The following HTR1F variants were observed in gnomAD, a reference collection of about 807,000 sequenced individuals.
The protein encoded by HTR1F is 5-hydroxytryptamine receptor 1F, also known as 5-hydroxytryptamine (serotonin) receptor 1F, G protein-coupled.
A neutral mutation model predicts 24.0 loss-of-function variants in HTR1F; 17 were observed. The observed-to-expected ratio is 0.71, with a 90% confidence interval of 0.48 to 1.06. The LOEUF is 1.06. Ranked by LOEUF, HTR1F falls within the 50% of genes least tolerant of loss-of-function variation. The probability of loss-of-function intolerance (pLI) is 0.00; values close to 1 mark genes in which losing one functional copy is unlikely to be tolerated. For synonymous variants in HTR1F, 186 were observed against 156.8 expected (o/e 1.19, Z -1.39); for missense variants, 391 against 427.8 (o/e 0.91, Z 0.76).
intron 2 of HTR1F, among the ~76,000 whole-genome samples, chr3:87,915,249 G>GC (rs1204166808): frequency 6.6e-6 from 1 of 152,064 alleles, no homozygotes; most frequent in Non-Finnish European, 1.5e-5. Flanking sequence ...ACCCAAATGA[G>GC]AAGGAACCAG....
chr3:87,794,982 CTT>C (rs57368229), intron 1 of HTR1F, among the ~76,000 whole-genome samples: 336 of 90,212 alleles, frequency 3.7e-3, no homozygotes, highest in African/African-American at 7.1e-3. Flanking sequence ...TTATGACTGA[CTT>C]TTTTTTTTTT....
intron 2 of HTR1F, among the ~76,000 whole-genome samples, chr3:87,945,597 G>C (rs1350790104): frequency 6.6e-6 from 1 of 152,146 alleles, no homozygotes; most frequent in African/African-American, 2.4e-5. Flanking sequence ...TTGGCCATCG[G>C]CTTCCCCAAG....
intron 2 of HTR1F, among the ~76,000 whole-genome samples, chr3:87,901,072 T>C (rs953578155): frequency 1.1e-4 from 16 of 152,164 alleles, no homozygotes; most frequent in African/African-American, 3.6e-4. Context: ...AGTATCAAGT[T>C]TGACTTCGCA....
At chr3:87,795,514 G>A (rs1278236906) in intron 1 of HTR1F, among the ~76,000 whole-genome samples, 1 of 152,114 alleles carries the variant, frequency 6.6e-6, no homozygotes, top group Non-Finnish European at 1.5e-5. Flanking sequence ...AGGTGGACGG[G>A]ATGCTGTTTG....
At chr3:87,845,438 AACAG>A (rs1430389145) in intron 2 of HTR1F, among the ~76,000 whole-genome samples, 1 of 149,440 alleles carries the variant, frequency 6.7e-6, no homozygotes, top group Non-Finnish European at 1.5e-5. Context: ...ATACACCAAC[AACAG>A]ACAAACAGAG....
At chr3:87,894,123 A>G (rs1706146758) in intron 2 of HTR1F, among the ~76,000 whole-genome samples, 1 of 151,996 alleles carries the variant, frequency 6.6e-6, no homozygotes, top group Non-Finnish European at 1.5e-5. Flanking sequence ...TGCTGCACCT[A>G]TCAGCTGAGC....
At chr3:87,803,092 A>G (rs1485001898) in intron 1 of HTR1F, among the ~76,000 whole-genome samples, 2 of 152,158 alleles carry the variant, frequency 1.3e-5, no homozygotes, top group Non-Finnish European at 2.9e-5. Context: ...TGTTTTGAGA[A>G]AAGGAACCTG....
intron 2 of HTR1F, among the ~76,000 whole-genome samples, chr3:87,927,102 C>G (rs1266364840): frequency 6.6e-6 from 1 of 152,130 alleles, no homozygotes; most frequent in African/African-American, 2.4e-5. Flanking sequence ...GACTTGCCCA[C>G]ACTCAGAGAT....
chr3:87,824,241 A>G (rs1465190907), intron 2 of HTR1F, among the ~76,000 whole-genome samples: 2 of 152,114 alleles, frequency 1.3e-5, no homozygotes, highest in African/African-American at 2.4e-5. Context: ...AGTCTTTCCT[A>G]TTATAGTCCT....
intron 2 of HTR1F, among the ~76,000 whole-genome samples, chr3:87,889,496 A>G (rs1464857983): frequency 2.0e-5 from 3 of 152,178 alleles, no homozygotes; most frequent in Admixed American, 2.0e-4. Flanking sequence ...CAATTTAAGC[A>G]TAGAAAACAT....
chr3:87,857,902 G>C (rs1705230238), intron 2 of HTR1F, among the ~76,000 whole-genome samples: 1 of 151,830 alleles, frequency 6.6e-6, no homozygotes. Context: ...TTCTGCCTAC[G>C]GCAAGATATG....
At chr3:87,803,184 C>T (rs1177566791) in intron 1 of HTR1F, among the ~76,000 whole-genome samples, 1 of 152,138 alleles carries the variant, frequency 6.6e-6, no homozygotes. Flanking sequence ...ATTAAGTTCA[C>T]TCAGCCACCA....
intron 1 of HTR1F, among the ~76,000 whole-genome samples, chr3:87,810,067 C>T (rs1244599918): frequency 6.6e-6 from 1 of 151,650 alleles, no homozygotes; most frequent in Admixed American, 6.6e-5. Context: ...TTTATTTTTT[C>T]TTTTGTCATT....
At chr3:87,873,450 C>T (rs1397202804) in intron 2 of HTR1F, among the ~76,000 whole-genome samples, 5 of 152,088 alleles carry the variant, frequency 3.3e-5, no homozygotes, top group South Asian at 2.1e-4. Flanking sequence ...GAAAATACCC[C>T]TTTGTCTTTT....
chr3:87,984,197 G>A (rs1479623658), intron 2 of HTR1F, among the ~76,000 whole-genome samples: 2 of 152,226 alleles, frequency 1.3e-5, no homozygotes, highest in Admixed American at 6.5e-5. Flanking sequence ...TCCTGTACCT[G>A]CAAAGGCTTT....
intron 2 of HTR1F, among the ~76,000 whole-genome samples, chr3:87,977,828 C>T (rs1318471697): frequency 1.3e-5 from 2 of 152,030 alleles, no homozygotes; most frequent in Non-Finnish European, 2.9e-5. Context: ...TCACAGGATC[C>T]TTAAGGTGTC....
At chr3:87,939,226 C>T (rs1201069306) in intron 2 of HTR1F, among the ~76,000 whole-genome samples, 1 of 152,140 alleles carries the variant, frequency 6.6e-6, no homozygotes, top group African/African-American at 2.4e-5. Context: ...ATGAAGCTGA[C>T]TTGATTGTGG....
At chr3:87,985,309 C>T (rs931458588) in intron 2 of HTR1F, among the ~76,000 whole-genome samples, 4 of 150,780 alleles carry the variant, frequency 2.7e-5, no homozygotes, top group African/African-American at 9.8e-5. Flanking sequence ...GTATTCCAGC[C>T]TGGGCAACAA....
chr3:87,838,104 A>G (rs900914597), intron 2 of HTR1F, among the ~76,000 whole-genome samples: 1 of 152,142 alleles, frequency 6.6e-6, no homozygotes, highest in African/African-American at 2.4e-5. Context: ...ATAAAGCTAC[A>G]CTCATTAAAT....
Sources: gnomAD v4.1 joint callset for allele counts (sites outside exome capture counted in the v4.1 genomes callset) on GRCh38, gnomAD v4.1.1 for gene constraint, MANE v1.5 for transcripts, NCBI Gene and HGNC (gene_info 2026-07-23, HGNC 2026-07-21) for gene names.